NOX4: variants seen among roughly 807,000 people sequenced by gnomAD.
The protein encoded by NOX4 is kidney oxidase-1.
NOX4 carries 69 observed loss-of-function variants against 87.6 expected under a neutral mutation model. The ratio of observed to expected loss-of-function variants is 0.79; its 90% CI spans 0.65 to 0.96. The LOEUF (loss-of-function observed/expected upper bound fraction) is 0.96, where lower values mean the gene tolerates loss of function less well. Ranked by LOEUF, NOX4 falls within the 40% of genes least tolerant of loss-of-function variation. The pLI is 0.00. For synonymous variants in NOX4, 275 were observed against 238.2 expected, an observed-to-expected ratio of 1.15 and a Z score of -1.42; for missense variants, 680 against 681.5, an observed-to-expected ratio of 1.00 and a Z score of 0.02.
the NOX4 span, among the ~76,000 whole-genome samples, chr11:89,531,434 A>C: frequency 6.6e-6 from 1 of 152,196 alleles, no homozygotes; most frequent in Non-Finnish European, 1.5e-5. Context: ...GAATTTGAAT[A>C]CCAAATGCTA....
At chr11:89,336,071 G>A in intron 16 of NOX4, 126 bp from the exon 17 acceptor site, 1 of 497,352 alleles carries the variant, frequency 2.0e-6, no homozygotes, top group Non-Finnish European at 3.7e-6. Flanking sequence ...AGTATCAAAT[G>A]GCAACCTATC....
At chr11:89,382,634 A>G (rs1288475820) in intron 11 of NOX4, among the ~76,000 whole-genome samples, 1 of 151,650 alleles carries the variant, frequency 6.6e-6, no homozygotes, top group African/African-American at 2.4e-5. Context: ...CCTCCTCCCA[A>G]GACTGCTCCT....
At chr11:89,569,504 G>T in the NOX4 span, among the ~76,000 whole-genome samples, 1 of 152,108 alleles carries the variant, frequency 6.6e-6, no homozygotes, top group Non-Finnish European at 1.5e-5. Flanking sequence ...GAACCACAAT[G>T]AGATACTATC....
In NOX4 at chr11:89,326,660, C is replaced by T; in HGVS notation, c.*96G>A. 1 of 1,022,308 alleles carries T rather than the reference C, an allele frequency of 9.8e-7. No homozygotes were observed. Among genetic ancestry groups the T allele is most frequent in the South Asian group, 2.0e-5 (1 of 49,174 alleles). 63.3% of individuals were successfully genotyped at this position (1,022,308 alleles called of 1,614,324 possible). On this transcript the variant is annotated 3_prime_UTR_variant, in exon 18 of 18. Transcript: ENST00000263317. ...TCATAAATAAGAAAACCTTACTATT[C>T]TTTGGCATAACACAGCTGATTGATT...
intron 6 of NOX4, among the ~76,000 whole-genome samples, chr11:89,438,555 C>G (rs1349652652): frequency 1.2e-5 from 1 of 82,484 alleles, no homozygotes; most frequent in Admixed American, 2.2e-4. Context: ...TAATAATATA[C>G]TATATATAAT....
intron 8 of NOX4, among the ~76,000 whole-genome samples, chr11:89,409,256 C>G (rs944840394): frequency 2.6e-5 from 4 of 152,186 alleles, no homozygotes; most frequent in East Asian, 1.9e-4. Context: ...CCTCCTTTCC[C>G]CCAACTTTCT....
chr11:89,526,177 G>A, the NOX4 span, among the ~76,000 whole-genome samples: 8 of 151,964 alleles, frequency 5.3e-5, no homozygotes, highest in South Asian at 4.2e-4. Context: ...GACTAATGTG[G>A]GTCATTTGAA....
the NOX4 span, among the ~76,000 whole-genome samples, chr11:89,507,976 AT>A: frequency 6.6e-6 from 1 of 152,020 alleles, no homozygotes; most frequent in Non-Finnish European, 1.5e-5. Flanking sequence ...CAAAAGTTAT[AT>A]TTGCCCTCAT....
intron 11 of NOX4, among the ~76,000 whole-genome samples, chr11:89,375,671 A>C (rs1423764165): frequency 6.6e-6 from 1 of 152,176 alleles, no homozygotes; most frequent in East Asian, 1.9e-4. Flanking sequence ...CTCCAAATAA[A>C]ATATTATCTG....
chr11:89,371,031 AG>A (rs1939400157), intron 12 of NOX4, among the ~76,000 whole-genome samples: 1 of 152,142 alleles, frequency 6.6e-6, no homozygotes, highest in East Asian at 1.9e-4. Flanking sequence ...TCAACCTCTT[AG>A]GTATCTCTTT....
rs540659338 is a variant in NOX4 at position 89,450,134 on chromosome 11, T to C, written c.265-610A>G. ...GAGAGACTTAGGTGGGAACTTTTTATTCCCTGCCACTTATCTTCTCTTTCT... is the reference window on the plus strand; with the variant it reads ...GAGAGACTTAGGTGGGAACTTTTTACTCCCTGCCACTTATCTTCTCTTTCT... On this transcript the variant is annotated intron_variant, in intron 3 of 17. Transcript: ENST00000263317. 1.8e-3 allele frequency among the ~76,000 whole-genome samples: 272 copies of C among 152,314 alleles called. 1 individual carries two copies. The highest frequency in any genetic ancestry group is 3.4e-3 in the Middle Eastern group (1 of 294).
intron 8 of NOX4, among the ~76,000 whole-genome samples, chr11:89,419,518 A>G (rs1942973891): frequency 1.3e-5 from 2 of 152,048 alleles, no homozygotes; most frequent in African/African-American, 4.8e-5. Flanking sequence ...AAAAATGTGC[A>G]CTGTAGAATG....
chr11:89,341,559 T>C (rs1471563661), intron 14 of NOX4, among the ~76,000 whole-genome samples: 2 of 152,222 alleles, frequency 1.3e-5, no homozygotes, highest in African/African-American at 4.8e-5. Flanking sequence ...TTTATTTCCA[T>C]ATCCATTAAT....
chr11:89,542,240 T>C, the NOX4 span, among the ~76,000 whole-genome samples: 2 of 152,230 alleles, frequency 1.3e-5, no homozygotes, highest in Non-Finnish European at 2.9e-5. Flanking sequence ...TTGATTCTGC[T>C]TCCTAATTAT....
chr11:89,432,484 TC>T (rs1943851521), intron 7 of NOX4, among the ~76,000 whole-genome samples: 1 of 152,114 alleles, frequency 6.6e-6, no homozygotes, highest in Admixed American at 6.6e-5. Flanking sequence ...TTGATTTCAA[TC>T]CCGTGTCCCA....
upstream of NOX4, among the ~76,000 whole-genome samples, chr11:89,496,273 T>C (rs1438981462): frequency 6.6e-6 from 1 of 151,938 alleles, no homozygotes; most frequent in East Asian, 1.9e-4. Context: ...ATTGGAGAGG[T>C]CCTTATGCCC....
the NOX4 span, among the ~76,000 whole-genome samples, chr11:89,517,083 G>A: frequency 6.6e-6 from 1 of 151,736 alleles, no homozygotes; most frequent in African/African-American, 2.4e-5. Context: ...ATATGCAAAG[G>A]GCTTAAATGA....
chr11:89,466,799 C>G (rs1945714996), intron 2 of NOX4, among the ~76,000 whole-genome samples: 1 of 152,090 alleles, frequency 6.6e-6, no homozygotes, highest in African/African-American at 2.4e-5. Context: ...GATCAGCAAG[C>G]CTTCCTTGAT....
the NOX4 span, among the ~76,000 whole-genome samples, chr11:89,539,007 A>G: frequency 3.3e-5 from 5 of 152,172 alleles, no homozygotes; most frequent in East Asian, 9.7e-4. Context: ...TCTTTTCCCC[A>G]ACTCCCAACC....
Sources: gnomAD v4.1 joint callset for allele counts (sites outside exome capture counted in the v4.1 genomes callset) on GRCh38, gnomAD v4.1.1 for gene constraint, MANE v1.5 for transcripts, NCBI Gene and HGNC (gene_info 2026-07-23, HGNC 2026-07-21) for gene names.